The following SGO2 variants were observed in gnomAD, a reference collection of about 807,000 sequenced individuals.
SGO2 encodes shugoshin 2.
In SGO2, 68 loss-of-function variants were observed where a neutral mutation model predicts 99.5. That is an observed-to-expected ratio of 0.68 (90% CI 0.56 to 0.84). The LOEUF is 0.84. SGO2 is among the 40% of genes least tolerant of loss of function. The pLI, the probability that SGO2 is intolerant of heterozygous loss-of-function variation, is 0.00. For missense variants in SGO2, 1,350 were observed against 1,436.7 expected, an observed-to-expected ratio of 0.94 and a Z score of 0.97; for synonymous variants, 457 against 487.1, an observed-to-expected ratio of 0.94 and a Z score of 0.81.
chr2:200,574,523 A>G (rs1208597127), intron 7 of SGO2, among the ~76,000 whole-genome samples: 2 of 152,140 alleles, frequency 1.3e-5, no homozygotes, highest in African/African-American at 4.8e-5. Flanking sequence ...CACATGTATT[A>G]TGCTAAGGGA....
At position 200,533,515 on chromosome 2, in the gene SGO2, GTATA is replaced by G. The variant is rs146385517; in HGVS notation, c.133+409_133+412del. On this transcript the variant is annotated intron_variant, in intron 2 of 8. Transcript: ENST00000357799. The stretch of plus-strand genomic sequence containing the variant: ...ATATATACGTGTGTATATATATAAT[GTATA>G]TGTGTGTGTGTGTGTGTGTGTGTGT... The G allele has an allele frequency of 1.7e-4, 19 of 108,774 alleles. 1 individual carries two copies. Among genetic ancestry groups the G allele is most frequent in the Non-Finnish European group, 2.3e-4 (12 of 52,348 alleles). The allele number at this position is 108,774 out of a possible 1,614,324, so 6.7% of individuals were successfully genotyped here.
Position 200,569,673 on chromosome 2 carries a change from A to G in SGO2, c.484A>G (p.Thr162Ala). Residue 162 changes from threonine (T) to alanine (A), a missense_variant, in exon 6 of 9, where the codon ACT (threonine) becomes GCT (alanine). Transcript: ENST00000357799. Reference sequence around the variant, plus strand: ...CCCACTTGCCTTTAGGGTTCCATTAACTTCAAATGATGATGAAGATGAAGA... The same window carrying G: ...CCCACTTGCCTTTAGGGTTCCATTAGCTTCAAATGATGATGAAGATGAAGA... ...MRLPFARVPL[T>A]SNDDEDEDKE... 1 of 1,602,870 alleles carries G rather than the reference A, an allele frequency of 6.2e-7. No individual in the cohort carries two copies. Among genetic ancestry groups the G allele is most frequent in the Non-Finnish European group, 8.5e-7 (1 of 1,175,004 alleles).
chr2:200,563,334 G>T (rs1443647325), intron 5 of SGO2, among the ~76,000 whole-genome samples: 4 of 152,022 alleles, frequency 2.6e-5, no homozygotes, highest in South Asian at 2.1e-4. Flanking sequence ...TTTTGTCTTT[G>T]GTTCTGTTTA....
At chr2:200,550,933 G>C (rs77384986) in intron 5 of SGO2, among the ~76,000 whole-genome samples, 1,864 of 151,422 alleles carry the variant, frequency 0.012, 26 homozygotes, top group Non-Finnish European at 0.014. Flanking sequence ...TTTGCAAACT[G>C]TCTCTCTGAG....
chr2:200,574,644 A>AT (rs35850014), intron 7 of SGO2, among the ~76,000 whole-genome samples: 125 of 151,998 alleles, frequency 8.2e-4, no homozygotes, highest in African/African-American at 2.7e-3. Flanking sequence ...TTTACTTTTT[A>AT]TTTTTTTCCC....
intron 2 of SGO2, 68 bp downstream of exon 2, chr2:200,533,176 A>G: frequency 2.1e-6 from 3 of 1,444,524 alleles, no homozygotes; most frequent in Non-Finnish European, 2.8e-6. Flanking sequence ...TATATTTGCT[A>G]CCTTATTTTA....
chr2:200,580,641 G>T (rs958929385), intron 8 of SGO2: 6 of 265,194 alleles, frequency 2.3e-5, no homozygotes, highest in Non-Finnish European at 3.7e-5. Flanking sequence ...AGACCAGCCT[G>T]GGCAACACAG....
At chr2:200,528,107 G>T (rs567518908) in intron 1 of SGO2, among the ~76,000 whole-genome samples, 1 of 152,306 alleles carries the variant, frequency 6.6e-6, no homozygotes, top group South Asian at 2.1e-4. Context: ...GGATTAGAAA[G>T]GTTCACTGAT....
In SGO2 at chr2:200,526,962, T is replaced by G. The variant is rs1489047804; in HGVS notation, c.-3+710T>G. ...TAGTCCCTACAAGGAGATGCCCTTA[T>G]TTTTTATGGTTTTATAAATCTGGAA... is the stretch of plus-strand genomic sequence containing the variant. On this transcript the variant is annotated intron_variant, in intron 1 of 8. Transcript: ENST00000357799. This position sits in a 1 kb window ranked among gnomAD's most constrained non-coding sequence, Gnocchi z 4.8. Among the ~76,000 whole-genome samples, 1 of 152,196 alleles carries G rather than the reference T, an allele frequency of 6.6e-6. No individual in the cohort carries two copies. The highest frequency in any genetic ancestry group is 1.9e-4 in the East Asian group (1 of 5,200).
Position 200,572,278 on chromosome 2 carries a change from T to G in SGO2, c.1932T>G (p.Gly644=). Residue 644 remains glycine, a synonymous_variant, in exon 7 of 9, where the codon GGT becomes GGG. Coordinates refer to ENST00000357799, the MANE Select transcript of SGO2 (RefSeq NM_152524.6). ...DKDVVHGLKK[G]NFFFKTQEDK... is the part of the protein sequence containing the mutation. Reference sequence around the variant, plus strand: ...ATGTGGTGCATGGCCTAAAAAAAGGTAATTTTTTTTTCAAAACCCAAGAGG... The same window carrying G: ...ATGTGGTGCATGGCCTAAAAAAAGGGAATTTTTTTTTCAAAACCCAAGAGG... 1.9e-6 allele frequency: 3 copies of G among 1,610,146 alleles called. No individual in the cohort carries two copies. The highest frequency in any genetic ancestry group is 2.5e-6 in the Non-Finnish European group (3 of 1,178,938).
intron 4 of SGO2, among the ~76,000 whole-genome samples, chr2:200,540,253 G>A (rs143002810): frequency 6.6e-6 from 1 of 152,002 alleles, no homozygotes. Flanking sequence ...CTGATTTTTG[G>A]TATGACAAGT....
At position 200,572,396 on chromosome 2, in the gene SGO2, A is replaced by G. The variant is rs1559217175; in HGVS notation, c.2050A>G (p.Arg684Gly). 1 of 1,613,594 alleles carries G rather than the reference A, an allele frequency of 6.2e-7. No individual in the cohort carries two copies. Among genetic ancestry groups the G allele is most frequent in the Admixed American group, 1.7e-5 (1 of 59,952 alleles). The change falls in exon 7 of 9, where the codon AGG (arginine) becomes GGG (glycine). Residue 684 changes from arginine (R) to glycine (G), a missense_variant. Physicochemically the swap from Arg to Gly is moderately radical, Grantham distance 125. Coordinates refer to ENST00000357799, the MANE Select transcript of SGO2 (RefSeq NM_152524.6). ...TRDNENQCDYRTQNVLGLQKQ... is the reference protein window; with the variant it reads ...TRDNENQCDYGTQNVLGLQKQ... ...AGATAATGAAAATCAATGTGACTAT[A>G]GGACCCAGAATGTGTTGGGTTTGCA...
intron 1 of SGO2, among the ~76,000 whole-genome samples, chr2:200,529,612 C>T (rs945343367): frequency 1.4e-4 from 21 of 152,308 alleles, no homozygotes; most frequent in African/African-American, 5.1e-4. Context: ...CTGCAGCCTC[C>T]ACCTCCTGGG....
intron 1 of SGO2, among the ~76,000 whole-genome samples, chr2:200,529,819 C>T (rs992210439): frequency 1.3e-5 from 2 of 152,244 alleles, no homozygotes; most frequent in African/African-American, 4.8e-5. Context: ...TGAGCCACTG[C>T]ACCCAGCCTG....
Position 200,572,302 on chromosome 2 carries a change from G to A in SGO2, c.1956G>A (p.Glu652=). ...KKGNFFFKTQ[E]DKEPISENIE... is the part of the protein sequence containing the mutation. The stretch of plus-strand genomic sequence containing the variant: ...GTAATTTTTTTTTCAAAACCCAAGA[G>A]GATAAAGAACCTATCTCTGAAAACA... Residue 652 remains glutamate, a synonymous_variant, in exon 7 of 9, where the codon GAG becomes GAA. Coordinates refer to ENST00000357799, the MANE Select transcript of SGO2 (RefSeq NM_152524.6). The A allele has an allele frequency of 6.2e-7, 1 of 1,609,760 alleles. No individual in the cohort carries two copies. The highest frequency in any genetic ancestry group is 8.5e-7 in the Non-Finnish European group (1 of 1,178,808).
In SGO2 at chr2:200,568,105, C is replaced by T. The variant is rs1247749605; in HGVS notation, c.474-1558C>T. The stretch of plus-strand genomic sequence containing the variant: ...AGTATTTTGACACTGATTTCTCCAT[C>T]TCCTCACCAACACTTGTTAATAATT... On this transcript the variant is annotated intron_variant, in intron 5 of 8. Coordinates refer to ENST00000357799, the MANE Select transcript of SGO2 (RefSeq NM_152524.6). Among the ~76,000 whole-genome samples, 7 of 152,198 alleles carry T rather than the reference C, an allele frequency of 4.6e-5. No homozygotes were observed. The South Asian group carries it at 1.2e-3, about 27-fold the overall frequency.
At chr2:200,543,954 C>G (rs974270977) in intron 5 of SGO2, among the ~76,000 whole-genome samples, 2 of 152,182 alleles carry the variant, frequency 1.3e-5, no homozygotes, top group Non-Finnish European at 2.9e-5. Context: ...GAACAAGAAA[C>G]AGAATATTAC....
chr2:200,580,616 G>C (rs2033811783), intron 8 of SGO2: 4 of 294,776 alleles, frequency 1.4e-5, no homozygotes, highest in Admixed American at 9.7e-5. Context: ...AGGATCACTT[G>C]AGCCCAAGAG....
rs757653803 is a variant in SGO2, at chr2:200,572,297, C to G, written c.1951C>G (p.Gln651Glu). Residue 651 changes from glutamine to glutamate, a missense_variant, in exon 7 of 9, where the codon CAA (glutamine) becomes GAA (glutamate). Transcript: ENST00000357799. ...LKKGNFFFKT[Q>E]EDKEPISENI... Reference sequence around the variant, plus strand: ...AAAAGGTAATTTTTTTTTCAAAACCCAAGAGGATAAAGAACCTATCTCTGA... The same window carrying G: ...AAAAGGTAATTTTTTTTTCAAAACCGAAGAGGATAAAGAACCTATCTCTGA... 6 of 1,609,474 alleles carry G rather than the reference C, an allele frequency of 3.7e-6. No individual in the cohort carries two copies. The highest frequency in any genetic ancestry group is 5.1e-6 in the Non-Finnish European group (6 of 1,178,760).
Sources: allele counts gnomAD v4.1 joint callset (sites outside exome capture counted in the v4.1 genomes callset), GRCh38; gene constraint gnomAD v4.1.1; non-coding constraint Gnocchi (gnomAD v3.1); transcripts MANE v1.5; gene names NCBI Gene and HGNC (gene_info 2026-07-23, HGNC 2026-07-21).